PTPN21: variants seen among roughly 807,000 people sequenced by gnomAD.
The protein encoded by PTPN21 is protein tyrosine phosphatase non-receptor type 21.
In PTPN21, 77 loss-of-function variants were observed where a neutral mutation model predicts 131.8. The ratio of observed to expected loss-of-function variants is 0.58; its 90% CI spans 0.49 to 0.71. The LOEUF (loss-of-function observed/expected upper bound fraction) is 0.71. Among genes scored for constraint, PTPN21 ranks in the 30% least tolerant of loss-of-function variants. The pLI is 0.00. For missense variants in PTPN21, 1,552 were observed against 1,527.1 expected, an observed-to-expected ratio of 1.02 and a Z score of -0.27; for synonymous variants, 715 against 621.3, an observed-to-expected ratio of 1.15 and a Z score of -2.24.
At chr14:88,485,898 C>A (rs1165793788) in intron 10 of PTPN21, 56 bp from the exon 11 acceptor site, 12 of 1,078,028 alleles carry the variant, frequency 1.1e-5, no homozygotes, top group African/African-American at 3.1e-5. Context: ...TTAAATTCTA[C>A]CAAAACAAGA....
intron 4 of PTPN21, among the ~76,000 whole-genome samples, chr14:88,506,921 C>A (rs1438843196): frequency 2.6e-5 from 4 of 151,980 alleles, no homozygotes; most frequent in Non-Finnish European, 2.9e-5. Flanking sequence ...TGGCAGGTAT[C>A]TGTAATCCCA....
At chr14:88,471,781 TA>T (rs2077472868) in intron 15 of PTPN21, among the ~76,000 whole-genome samples, 1 of 152,014 alleles carries the variant, frequency 6.6e-6, no homozygotes, top group Admixed American at 6.6e-5. Context: ...ATTTATGAGC[TA>T]AAAAGAGGTC....
chr14:88,514,468 T>G (rs542428707), intron 3 of PTPN21, among the ~76,000 whole-genome samples: 1 of 148,754 alleles, frequency 6.7e-6, no homozygotes, highest in African/African-American at 2.5e-5. Context: ...TTTTCTTTTT[T>G]CTTTTTTTTT....
intron 2 of PTPN21, among the ~76,000 whole-genome samples, chr14:88,530,076 T>A (rs1394980148): frequency 6.6e-6 from 1 of 151,892 alleles, no homozygotes; most frequent in African/African-American, 2.4e-5. Context: ...TAACAGCAGA[T>A]TTCTCAGCAG....
intron 2 of PTPN21, among the ~76,000 whole-genome samples, chr14:88,542,970 T>A (rs927330001): frequency 6.6e-6 from 1 of 152,240 alleles, no homozygotes; most frequent in African/African-American, 2.4e-5. Flanking sequence ...AAAAAGTTTC[T>A]GGGTACTAGA....
At chr14:88,501,999 C>T (rs775837263) in intron 6 of PTPN21, among the ~76,000 whole-genome samples, 16 of 151,792 alleles carry the variant, frequency 1.1e-4, no homozygotes, top group Non-Finnish European at 1.8e-4. Flanking sequence ...ATAAAAACAA[C>T]AAAATATGAG....
chr14:88,510,260 T>C (rs1007211314), intron 3 of PTPN21, among the ~76,000 whole-genome samples: 1 of 152,244 alleles, frequency 6.6e-6, no homozygotes, highest in Non-Finnish European at 1.5e-5. Flanking sequence ...CAAACAGGTA[T>C]GCTTCTTTGT....
At chr14:88,507,868 T>C in intron 4 of PTPN21, 55 bp downstream of exon 4, 2 of 1,099,066 alleles carry the variant, frequency 1.8e-6, no homozygotes, top group Non-Finnish European at 1.3e-6. Flanking sequence ...TGCTATTTTG[T>C]TGTAACACAT....
At chr14:88,544,374 C>T (rs546295690) in intron 2 of PTPN21, among the ~76,000 whole-genome samples, 28 of 151,976 alleles carry the variant, frequency 1.8e-4, no homozygotes, top group African/African-American at 6.3e-4. Flanking sequence ...AAAAGAATTC[C>T]TATGAAGAGA....
rs1392457894 is a variant in PTPN21 at position 88,473,741 on chromosome 14, T to C, written c.2573A>G (p.Asn858Ser). ...KIGPLKLAAL[N>S]GLSLSRVPLP... ...AGGCACTCGAGATAGGGAGAGTCCA[T>C]TTAGGGCAGCCAGTTTAAGAGGACC... The change falls in exon 14 of 19, where the codon AAT becomes AGT. Residue 858 changes from asparagine to serine, a missense_variant. This residue lies in a region of PTPN21 where 1,016 missense variants were observed against 883.5 expected (regional missense o/e 1.15). Transcript: ENST00000556564. 1 of 1,611,084 alleles carries C rather than the reference T, an allele frequency of 6.2e-7. No individual in the cohort carries two copies. The highest frequency in any genetic ancestry group is 1.7e-5 in the Admixed American group (1 of 59,048).
chr14:88,532,078 C>A (rs1045053129), intron 2 of PTPN21, among the ~76,000 whole-genome samples: 1 of 151,188 alleles, frequency 6.6e-6, no homozygotes, highest in Non-Finnish European at 1.5e-5. Context: ...CTGGACAGAC[C>A]AATAACAAGT....
intron 2 of PTPN21, among the ~76,000 whole-genome samples, chr14:88,544,508 GTTTTACA>G (rs957221224): frequency 3.9e-5 from 6 of 152,148 alleles, no homozygotes; most frequent in African/African-American, 1.4e-4. Context: ...TTTGCTAAAT[GTTTTACA>G]TTTAACACCG....
intron 12 of PTPN21, among the ~76,000 whole-genome samples, chr14:88,484,065 A>G (rs1387038627): frequency 6.8e-6 from 1 of 146,922 alleles, no homozygotes; most frequent in African/African-American, 2.5e-5. Flanking sequence ...TTTTTTTGAG[A>G]TAGTCTCCCT....
At chr14:88,468,836 G>C in intron 18 of PTPN21, 80 bp downstream of exon 18, 1 of 1,564,954 alleles carries the variant, frequency 6.4e-7, no homozygotes, top group Non-Finnish European at 8.8e-7. Context: ...TGCGCAAAAA[G>C]AGCTATTAAG....
intron 2 of PTPN21, among the ~76,000 whole-genome samples, chr14:88,530,158 T>C (rs986306521): frequency 3.3e-5 from 5 of 152,104 alleles, no homozygotes; most frequent in Non-Finnish European, 4.4e-5. Context: ...CAGCCAAGAA[T>C]TCTGTATCCA....
intron 13 of PTPN21, among the ~76,000 whole-genome samples, chr14:88,477,581 T>C (rs1027519060): frequency 6.6e-6 from 1 of 152,144 alleles, no homozygotes. Context: ...AGCAAGATGT[T>C]TGCAGCATCT....
chr14:88,521,850 A>G (rs1383535445), intron 2 of PTPN21, among the ~76,000 whole-genome samples: 2 of 152,192 alleles, frequency 1.3e-5, no homozygotes, highest in African/African-American at 4.8e-5. Flanking sequence ...TTATTGTATA[A>G]TTTGTGGTTG....
intron 7 of PTPN21, 131 bp from the exon 8 acceptor site, chr14:88,501,002 A>G (rs1327990952): frequency 1.4e-5 from 10 of 696,816 alleles, no homozygotes; most frequent in Middle Eastern, 2.4e-4. Flanking sequence ...CAGGAAGACA[A>G]AAGTCTGAAT....
chr14:88,480,933 C>G (rs2077644590), intron 12 of PTPN21, among the ~76,000 whole-genome samples: 2 of 152,210 alleles, frequency 1.3e-5, no homozygotes, highest in Non-Finnish European at 1.5e-5. Context: ...CATTAAACAG[C>G]TGCAGCTGCC....
Sources: gnomAD v4.1 joint callset for allele counts (sites outside exome capture counted in the v4.1 genomes callset) on GRCh38, gnomAD v4.1.1 for gene constraint, gnomAD v4.1.1 regional missense constraint, MANE v1.5 for transcripts, NCBI Gene and HGNC (gene_info 2026-07-23, HGNC 2026-07-21) for gene names.